Variants in NPM1 observed in about 807,000 individuals in gnomAD.
NPM1 encodes the protein nucleophosmin.
NPM1 carries 1 observed loss-of-function variant against 44.1 expected under a neutral mutation model. The ratio of observed to expected loss-of-function variants is 0.02; its 90% CI spans 0.01 to 0.11. NPM1 has a LOEUF of 0.11. NPM1 is among the 10% of genes least tolerant of loss of function. The probability of loss-of-function intolerance (pLI) is 1.00; values close to 1 mark genes in which losing one functional copy is unlikely to be tolerated. For synonymous variants in NPM1, 126 were observed against 111.8 expected, an observed-to-expected ratio of 1.13 and a Z score of -0.80; for missense variants, 197 against 347.8, an observed-to-expected ratio of 0.57 and a Z score of 3.45.
At chr5:171,406,057 G>C (rs1288013430) in intron 9 of NPM1, among the ~76,000 whole-genome samples, 1 of 152,144 alleles carries the variant, frequency 6.6e-6, no homozygotes, top group East Asian at 1.9e-4. Context: ...AAATGCCTTG[G>C]AAGCACATTT....
intron 8 of NPM1, 70 bp downstream of exon 8, chr5:171,400,995 C>G: frequency 9.3e-7 from 1 of 1,079,382 alleles, no homozygotes; most frequent in South Asian, 1.3e-5. Flanking sequence ...GTGGAAGAAT[C>G]TAGTGTGTCT....
rs889568684 is a variant in NPM1, at chr5:171,392,829, A to G, written c.459+13A>G. On this transcript the variant is annotated intron_variant, in intron 5 of 10. Coordinates refer to ENST00000296930, the MANE Select transcript of NPM1 (RefSeq NM_002520.7). The stretch of plus-strand genomic sequence containing the variant: ...CAAGGTTCCACAGGTAGAGATGGCA[A>G]TTTTATTATAGGTTTTGTATTATAG... 5 of 1,613,280 alleles carry G rather than the reference A, an allele frequency of 3.1e-6. No homozygotes were observed. In the African/African-American group the frequency reaches 4.0e-5, roughly 13 times the overall value.
chr5:171,399,772 G>A (rs1334983875), intron 6 of NPM1, among the ~76,000 whole-genome samples: 1 of 151,922 alleles, frequency 6.6e-6, no homozygotes, highest in Non-Finnish European at 1.5e-5. Flanking sequence ...CAGTGGTATA[G>A]TGTGTATTTA....
rs749918542 is a variant in NPM1, at chr5:171,387,882, T to C, written c.-67T>C. Reference sequence around the variant, plus strand: ...GGTGTGATTCCGTCCTGCGCGGTTGTTCTCTGGAGCAGCGTTCTTTTATCT... The same window carrying C: ...GGTGTGATTCCGTCCTGCGCGGTTGCTCTCTGGAGCAGCGTTCTTTTATCT... On this transcript the variant is annotated 5_prime_UTR_variant, in exon 1 of 11. Transcript: ENST00000296930. The C allele has an allele frequency of 6.1e-4, 907 of 1,475,276 alleles. 2 individuals are homozygous for C. Among genetic ancestry groups the C allele is most frequent in the Non-Finnish European group, 7.8e-4 (824 of 1,056,480 alleles). 91.4% of individuals were successfully genotyped at this position (1,475,276 alleles called of 1,614,324 possible).
intron 1 of NPM1, among the ~76,000 whole-genome samples, chr5:171,388,522 A>G (rs1770393455): frequency 7.0e-6 from 1 of 142,614 alleles, no homozygotes; most frequent in African/African-American, 2.6e-5. Flanking sequence ...TCGGCCAGTT[A>G]CTGGGGGTGG....
In NPM1 at chr5:171,405,289, A is replaced by C. The variant is rs550564117; in HGVS notation, c.670-13A>C. ...TATTCTTATGACCTTTTGGAAATTC[A>C]TTTCTTTTTCAGGGACAAGAATCCT... On this transcript the variant is annotated splice_polypyrimidine_tract_variant and intron_variant, in intron 8 of 10. Coordinates refer to ENST00000296930, the MANE Select transcript of NPM1 (RefSeq NM_002520.7). 56 of 1,354,514 alleles carry C rather than the reference A, an allele frequency of 4.1e-5. 1 individual carries two copies. The South Asian group carries it at 6.9e-4, about 17-fold the overall frequency. 83.9% of individuals were successfully genotyped at this position (1,354,514 alleles called of 1,614,324 possible). A position where few individuals can be genotyped will look rare whatever the true frequency, so the allele number is the denominator to read the frequency against.
chr5:171,410,425 G>T, intron 10 of NPM1, 102 bp from the exon 11 acceptor site: 1 of 650,684 alleles, frequency 1.5e-6, no homozygotes. Context: ...TCTGGTGGTA[G>T]AATGAAAAAT....
In NPM1 at chr5:171,387,864, T is replaced by C; in HGVS notation, c.-85T>C. 1 of 1,283,946 alleles carries C rather than the reference T, an allele frequency of 7.8e-7. No individual in the cohort carries two copies. The highest frequency in any genetic ancestry group is 1.1e-6 in the Non-Finnish European group (1 of 885,744). 79.5% of individuals were successfully genotyped at this position (1,283,946 alleles called of 1,614,324 possible). A position where few individuals can be genotyped will look rare whatever the true frequency, so the allele number is the denominator to read the frequency against. ...AGCCTGCGTCCTTTCCCTGGTGTGA[T>C]TCCGTCCTGCGCGGTTGTTCTCTGG... On this transcript the variant is annotated 5_prime_UTR_variant, in exon 1 of 11. Transcript: ENST00000296930.
chr5:171,390,215 C>T (rs1581237345), intron 2 of NPM1, 85 bp downstream of exon 2: 1 of 703,338 alleles, frequency 1.4e-6, no homozygotes. Flanking sequence ...GACTTTTTTT[C>T]CTTTGCTGAC....
chr5:171,395,812 T>TG (rs775683247), intron 6 of NPM1, among the ~76,000 whole-genome samples: 16 of 152,182 alleles, frequency 1.1e-4, no homozygotes, highest in Non-Finnish European at 2.1e-4. Flanking sequence ...GTATATGGTG[T>TG]GGGCTCAGAT....
chr5:171,388,807 G>T (rs1770416920), intron 1 of NPM1, among the ~76,000 whole-genome samples: 1 of 152,226 alleles, frequency 6.6e-6, no homozygotes, highest in South Asian at 2.1e-4. Flanking sequence ...GGTAGGTGGA[G>T]CTAGCCCCAC....
chr5:171,387,841 C>T (rs10069429), upstream of NPM1: 22 of 1,029,370 alleles, frequency 2.1e-5, no homozygotes, highest in East Asian at 7.3e-5. Flanking sequence ...GCGCGGGGAG[C>T]CTGCGTCCTT....
At chr5:171,408,841 AAGAGATGCAT>A (rs1179366697) in intron 10 of NPM1, among the ~76,000 whole-genome samples, 1 of 152,226 alleles carries the variant, frequency 6.6e-6, no homozygotes, top group African/African-American at 2.4e-5. Flanking sequence ...TAAGCAGCAT[AAGAGATGCAT>A]TCTTCAACTA....
At chr5:171,407,552 A>G (rs1771637919) in intron 9 of NPM1, 148 bp from the exon 10 acceptor site, 2 of 647,230 alleles carry the variant, frequency 3.1e-6, no homozygotes, top group African/African-American at 1.9e-5. Flanking sequence ...TCTGGCCCTG[A>G]AAAAGATACG....
In NPM1 at chr5:171,387,853, C is replaced by T. The variant is rs543958094; in HGVS notation, c.-96C>T. 1.5e-3 allele frequency: 1,789 copies of T among 1,174,698 alleles called. 11 individuals carry two copies. Among genetic ancestry groups the T allele is most frequent in the South Asian group, 2.8e-3 (220 of 79,886 alleles). The allele number at this position is 1,174,698 out of a possible 1,614,324, so 72.8% of individuals were successfully genotyped here. The stretch of plus-strand genomic sequence containing the variant: ...TAAGCGCGGGGAGCCTGCGTCCTTT[C>T]CCTGGTGTGATTCCGTCCTGCGCGG... On this transcript the variant is annotated 5_prime_UTR_variant, in exon 1 of 11. Coordinates refer to ENST00000296930, the MANE Select transcript of NPM1 (RefSeq NM_002520.7).
intron 6 of NPM1, among the ~76,000 whole-genome samples, chr5:171,398,987 A>C (rs963731940): frequency 4.0e-5 from 6 of 151,732 alleles, no homozygotes; most frequent in African/African-American, 1.5e-4. Context: ...AGTAGCTGGG[A>C]TTACAGGCGC....
At chr5:171,397,583 T>C (rs922912795) in intron 6 of NPM1, among the ~76,000 whole-genome samples, 5 of 140,838 alleles carry the variant, frequency 3.6e-5, no homozygotes, top group African/African-American at 1.3e-4. Flanking sequence ...GAGAAATGTT[T>C]TTGCCCACTT....
At position 171,407,821 on chromosome 5, in the gene NPM1, ATT is replaced by A. The variant is rs774183277; in HGVS notation, c.846+49_846+50del. 6 of 1,154,276 alleles carry A rather than the reference ATT, an allele frequency of 5.2e-6. No homozygotes were observed. In the South Asian group the frequency reaches 7.5e-5, roughly 14 times the overall value. 71.5% of individuals were successfully genotyped at this position (1,154,276 alleles called of 1,614,324 possible). A position where few individuals can be genotyped will look rare whatever the true frequency, so the allele number is the denominator to read the frequency against. ...ATGATTAAATCCAAGTTTTTTTGTG[ATT>A]TATTATGATTCTGCCTTTACCCTTT... On this transcript the variant is annotated intron_variant, in intron 10 of 10. Coordinates refer to ENST00000296930, the MANE Select transcript of NPM1 (RefSeq NM_002520.7).
At chr5:171,406,001 A>G (rs6555954) in intron 9 of NPM1, among the ~76,000 whole-genome samples, 61,246 of 151,862 alleles carry the variant, frequency 0.4, 12,365 homozygotes, top group East Asian at 0.55. Context: ...TAGGTCTCTC[A>G]TCTGCTTGAC....
Sources: allele counts gnomAD v4.1 joint callset (sites outside exome capture counted in the v4.1 genomes callset), GRCh38; gene constraint gnomAD v4.1.1; transcripts MANE v1.5; gene names NCBI Gene and HGNC (gene_info 2026-07-23, HGNC 2026-07-21).